ATP13A3: variants seen among roughly 807,000 people sequenced by gnomAD.
The protein encoded by ATP13A3 is ATPase 13A3, also known as polyamine-transporting ATPase 13A3.
In ATP13A3, 59 loss-of-function variants were observed where a neutral mutation model predicts 158.1. That is an observed-to-expected ratio of 0.37 (90% CI 0.30 to 0.46). The LOEUF (loss-of-function observed/expected upper bound fraction) is 0.46. Ranked by LOEUF, ATP13A3 falls within the 20% of genes least tolerant of loss-of-function variation. The pLI is 1.00. For synonymous variants in ATP13A3, 491 were observed against 504.3 expected, an observed-to-expected ratio of 0.97 and a Z score of 0.35; for missense variants, 1,166 against 1,525.2, an observed-to-expected ratio of 0.76 and a Z score of 3.92.
At chr3:194,419,766 T>C (rs2108763666) in intron 31 of ATP13A3, 113 bp downstream of exon 31, 2 of 1,449,672 alleles carry the variant, frequency 1.4e-6, no homozygotes, top group East Asian at 5.5e-5. Context: ...GTAGAGTATC[T>C]TTGGGTTAAT....
At chr3:194,434,770 A>G (rs2108834654) in intron 20 of ATP13A3, among the ~76,000 whole-genome samples, 1 of 152,252 alleles carries the variant, frequency 6.6e-6, no homozygotes, top group Middle Eastern at 3.4e-3. Context: ...TGAAAAAACA[A>G]TTAGCTGGGC....
At chr3:194,421,143 A>AGTT (rs1716301441) in intron 30 of ATP13A3, among the ~76,000 whole-genome samples, 6 of 48,670 alleles carry the variant, frequency 1.2e-4, no homozygotes, top group African/African-American at 8.8e-4. Flanking sequence ...TATAGTATAT[A>AGTT]TATATATATA....
At chr3:194,470,186 T>C (rs1720240286) in intron 2 of ATP13A3, among the ~76,000 whole-genome samples, 1 of 152,220 alleles carries the variant, frequency 6.6e-6, no homozygotes, top group East Asian at 1.9e-4. Flanking sequence ...TAATATGCTT[T>C]TGTTTCTGTG....
At chr3:194,445,708 T>C (rs896259557) in intron 14 of ATP13A3, among the ~76,000 whole-genome samples, 1 of 152,200 alleles carries the variant, frequency 6.6e-6, no homozygotes, top group Non-Finnish European at 1.5e-5. Context: ...ACAGAACATG[T>C]TTCCCATTTT....
At chr3:194,427,035 C>T (rs753082093) in intron 29 of ATP13A3, 40 bp downstream of exon 29, 21 of 1,568,688 alleles carry the variant, frequency 1.3e-5, no homozygotes, top group Middle Eastern at 3.4e-4. Flanking sequence ...ATATGTTGCA[C>T]ATATTTTATA....
chr3:194,454,702 G>C (rs948136759), intron 8 of ATP13A3, among the ~76,000 whole-genome samples: 2 of 152,090 alleles, frequency 1.3e-5, no homozygotes, highest in East Asian at 3.9e-4. Flanking sequence ...GGTGGCAGGC[G>C]CCTGTAGTCC....
Position 194,494,177 on chromosome 3 carries a change from CT to C in ATP13A3, n.618del, listed in dbSNP as rs1721178842. The C allele has an allele frequency of 2.5e-6, 1 of 398,640 alleles. No homozygotes were observed. The highest frequency in any genetic ancestry group is 1.3e-4 in the South Asian group (1 of 7,846). The allele number at this position is 398,640 out of a possible 1,614,324, so 24.7% of individuals were successfully genotyped here. On this transcript the variant is annotated non_coding_transcript_exon_variant, in exon 2 of 33. Coordinates refer to the ATP13A3 transcript ENST00000687055. The surrounding 1 kb of genome is among the most constrained non-coding windows in gnomAD (Gnocchi z 4.2). The stretch of plus-strand genomic sequence containing the variant: ...ATCTCGCATCAAAACTCTGGATTAT[CT>C]GTTTAAGCACCCAGACTTCCACCTC...
At chr3:194,475,541 T>C (rs1373072993) in intron 2 of ATP13A3, among the ~76,000 whole-genome samples, 1 of 152,186 alleles carries the variant, frequency 6.6e-6, no homozygotes, top group East Asian at 1.9e-4. Context: ...TAACCCAGCA[T>C]AGACAATGCA....
intron 10 of ATP13A3, chr3:194,451,753 G>T (rs1324755224): frequency 1.3e-5 from 2 of 152,408 alleles, no homozygotes; most frequent in Non-Finnish European, 2.9e-5. Flanking sequence ...TGCCAGACAA[G>T]TTACACGTCC....
chr3:194,407,708 G>A (rs1424925326), intron 33 of ATP13A3, among the ~76,000 whole-genome samples: 1 of 151,990 alleles, frequency 6.6e-6, no homozygotes, highest in African/African-American at 2.4e-5. Flanking sequence ...GTGGGGACGG[G>A]GAAAGTCTGA....
chr3:194,453,966 T>C (rs1384425097), intron 9 of ATP13A3, among the ~76,000 whole-genome samples, 188 bp from the exon 10 acceptor site: 1 of 152,202 alleles, frequency 6.6e-6, no homozygotes, highest in East Asian at 1.9e-4. Context: ...TTTAACAGGA[T>C]AGCCCTGAAA....
In ATP13A3 at chr3:194,405,908, C is replaced by A. The variant is rs761847595; in HGVS notation, c.*11G>T. The A allele has an allele frequency of 3.7e-6, 6 of 1,612,874 alleles. No individual in the cohort carries two copies. The African/African-American group carries it at 6.7e-5, about 18-fold the overall frequency. On this transcript the variant is annotated 3_prime_UTR_variant, in exon 34 of 34. Coordinates refer to ENST00000645319, the MANE Select transcript of ATP13A3 (RefSeq NM_001367549.1). ...ACTGCTATCAGCAATACCACTGAGA[C>A]TGATTCACTGCTATGTTATGGTGAT...
At chr3:194,408,898 T>C (rs1022228980) in intron 33 of ATP13A3, among the ~76,000 whole-genome samples, 3 of 151,842 alleles carry the variant, frequency 2.0e-5, no homozygotes, top group Admixed American at 6.6e-5. Flanking sequence ...AGCGGGGAGA[T>C]GATGATGATG....
At chr3:194,482,567 C>G (rs1720792972) in intron 2 of ATP13A3, among the ~76,000 whole-genome samples, 1 of 152,326 alleles carries the variant, frequency 6.6e-6, no homozygotes, top group African/African-American at 2.4e-5. Context: ...TGCCAGAAAT[C>G]TGAGCCTCTC....
chr3:194,452,892 A>T (rs914274098), intron 10 of ATP13A3: 1 of 152,218 alleles, frequency 6.6e-6, no homozygotes, highest in Admixed American at 6.5e-5. Context: ...TACTACTGTT[A>T]TCTCTACACC....
intron 18 of ATP13A3, 36 bp from the exon 19 acceptor site, chr3:194,437,500 A>G: frequency 6.2e-7 from 1 of 1,613,530 alleles, no homozygotes; most frequent in Non-Finnish European, 8.5e-7. Context: ...AGCACTTAAT[A>G]TTCTTAAAGA....
intron 2 of ATP13A3, among the ~76,000 whole-genome samples, chr3:194,469,353 G>C (rs1184527063): frequency 6.6e-6 from 1 of 151,476 alleles, no homozygotes; most frequent in Non-Finnish European, 1.5e-5. Context: ...AGTTACTAGG[G>C]AGAGGCTGAG....
intron 2 of ATP13A3, among the ~76,000 whole-genome samples, chr3:194,474,585 A>C (rs1352874450): frequency 6.6e-6 from 1 of 152,220 alleles, no homozygotes; most frequent in African/African-American, 2.4e-5. Flanking sequence ...TTTTTAGTTC[A>C]GAGTTAAGGT....
intron 2 of ATP13A3, among the ~76,000 whole-genome samples, chr3:194,472,800 T>C (rs1156748715): frequency 6.6e-6 from 1 of 152,202 alleles, no homozygotes; most frequent in African/African-American, 2.4e-5. Context: ...ACATACACTA[T>C]GGAATACTAT....
Sources: allele counts gnomAD v4.1 joint callset (sites outside exome capture counted in the v4.1 genomes callset), GRCh38; gene constraint gnomAD v4.1.1; non-coding constraint Gnocchi (gnomAD v3.1); transcripts MANE v1.5; gene names NCBI Gene and HGNC (gene_info 2026-07-23, HGNC 2026-07-21).